Variants in FER observed in about 807,000 individuals in gnomAD.
FER encodes the protein tyrosine-protein kinase Fer.
A neutral mutation model predicts 111.0 loss-of-function variants in FER; 63 were observed. That is an observed-to-expected ratio of 0.57 (90% confidence interval 0.46 to 0.70). FER has a LOEUF of 0.70. FER is among the 30% of genes least tolerant of loss of function. The pLI, the probability that FER is intolerant of heterozygous loss-of-function variation, is 0.00. For missense variants in FER, 914 were observed against 954.0 expected (o/e 0.96, Z 0.55); for synonymous variants, 327 against 313.9 (o/e 1.04, Z -0.44).
intron 10 of FER, among the ~76,000 whole-genome samples, chr5:108,902,438 G>T (rs1750171131): frequency 6.6e-6 from 1 of 152,150 alleles, no homozygotes; most frequent in Non-Finnish European, 1.5e-5. Context: ...GTGTACCATG[G>T]AGAAGTGAGT....
intron 16 of FER, among the ~76,000 whole-genome samples, chr5:109,076,284 TAAAAG>T (rs1446414194): frequency 2.0e-5 from 3 of 152,206 alleles, no homozygotes; most frequent in Non-Finnish European, 4.4e-5. Flanking sequence ...AATATTAGGC[TAAAAG>T]AAAACTTTAT....
At chr5:109,163,110 C>T (rs548224753) in intron 17 of FER, among the ~76,000 whole-genome samples, 5 of 151,832 alleles carry the variant, frequency 3.3e-5, no homozygotes, top group African/African-American at 7.3e-5. Flanking sequence ...TCTAAATGAT[C>T]GACATTTAGA....
intron 2 of FER, among the ~76,000 whole-genome samples, chr5:108,769,014 A>T (rs71586586): frequency 0.054 from 8,227 of 151,980 alleles, 315 homozygotes; most frequent in Non-Finnish European, 0.078. Context: ...TTTAGAAGAG[A>T]TGGGGTTTTG....
At chr5:109,001,952 A>G (rs1198708296) in intron 13 of FER, among the ~76,000 whole-genome samples, 1 of 152,140 alleles carries the variant, frequency 6.6e-6, no homozygotes, top group Admixed American at 6.6e-5. Context: ...ACTACAAACC[A>G]CTGCTCAATG....
chr5:109,107,409 G>A (rs988598799), intron 17 of FER, among the ~76,000 whole-genome samples: 1 of 152,062 alleles, frequency 6.6e-6, no homozygotes, highest in Non-Finnish European at 1.5e-5. Flanking sequence ...GGGGGTTGTT[G>A]TACAGATTGT....
At chr5:108,995,336 A>G (rs191519837) in intron 13 of FER, among the ~76,000 whole-genome samples, 14 of 152,146 alleles carry the variant, frequency 9.2e-5, no homozygotes, top group Admixed American at 7.9e-4. Flanking sequence ...TTACATAGGT[A>G]TACACGTGTC....
intron 9 of FER, 125 bp downstream of exon 9, chr5:108,883,643 T>A: frequency 1.3e-6 from 1 of 770,742 alleles, no homozygotes; most frequent in Non-Finnish European, 1.9e-6. Context: ...AAGTATGAAG[T>A]TTTGTATAGT....
chr5:109,162,248 A>T (rs1235609938), intron 17 of FER, among the ~76,000 whole-genome samples: 1 of 152,144 alleles, frequency 6.6e-6, no homozygotes, highest in African/African-American at 2.4e-5. Context: ...GGTATAACTC[A>T]GTCTGTTTCG....
At chr5:109,114,066 AGAATT>A (rs944911867) in intron 17 of FER, among the ~76,000 whole-genome samples, 1 of 152,164 alleles carries the variant, frequency 6.6e-6, no homozygotes, top group African/African-American at 2.4e-5. Context: ...TGACATTCTT[AGAATT>A]GAAAGTCTGT....
At chr5:109,054,633 A>G (rs549148664) in intron 16 of FER, among the ~76,000 whole-genome samples, 63 of 152,226 alleles carry the variant, frequency 4.1e-4, no homozygotes, top group African/African-American at 1.5e-3. Context: ...TTTATGGATC[A>G]TACTTTTTTG....
intron 10 of FER, among the ~76,000 whole-genome samples, chr5:108,913,946 A>C (rs1012526879): frequency 6.6e-6 from 1 of 152,202 alleles, no homozygotes; most frequent in Non-Finnish European, 1.5e-5. Context: ...AAAAAATGTA[A>C]AAGTAATCAA....
chr5:109,009,040 C>A (rs556449488), intron 13 of FER, among the ~76,000 whole-genome samples: 95 of 142,674 alleles, frequency 6.7e-4, no homozygotes, highest in African/African-American at 2.3e-3. Context: ...TCTTCCTCTT[C>A]AGTCTTTTTT....
Position 108,954,863 on chromosome 5 carries a change from A to G in FER, c.1464A>G (p.Lys488=). ...TTTTGGTGCGAGAGAGTCATGGGAA[A>G]CCTGGTGAATATGTCCTTTCTGTAT... ...GDFLVRESHG[K]PGEYVLSVYS... The change falls in exon 12 of 20, where the codon AAA becomes AAG. Residue 488 remains lysine, a synonymous_variant. Transcript: ENST00000281092. 2 of 1,611,838 alleles carry G rather than the reference A, an allele frequency of 1.2e-6. No individual in the cohort carries two copies. The highest frequency in any genetic ancestry group is 1.7e-6 in the Non-Finnish European group (2 of 1,179,108).
intron 5 of FER, among the ~76,000 whole-genome samples, chr5:108,838,885 C>T (rs1760945269): frequency 6.6e-6 from 1 of 152,098 alleles, no homozygotes; most frequent in African/African-American, 2.4e-5. Flanking sequence ...TGCATTTTAT[C>T]TTAAATTGAC....
At chr5:108,840,631 C>G (rs537800188) in intron 5 of FER, among the ~76,000 whole-genome samples, 20 of 152,114 alleles carry the variant, frequency 1.3e-4, no homozygotes, top group Non-Finnish European at 2.4e-4. Flanking sequence ...TGATCTATCC[C>G]CTATATTTCC....
chr5:108,902,133 C>T (rs544027900), intron 10 of FER, among the ~76,000 whole-genome samples: 9 of 151,950 alleles, frequency 5.9e-5, no homozygotes, highest in African/African-American at 9.7e-5. Flanking sequence ...TATAGACTAC[C>T]GGAGGGGGAA....
intron 10 of FER, among the ~76,000 whole-genome samples, chr5:108,931,962 TTG>T (rs571366890): frequency 5.1e-4 from 77 of 150,736 alleles, no homozygotes; most frequent in African/African-American, 1.3e-3. Context: ...ATCTTAAATT[TTG>T]TGTGTGTGTG....
chr5:109,093,292 AT>A (rs1426285106), intron 16 of FER, among the ~76,000 whole-genome samples: 1 of 152,138 alleles, frequency 6.6e-6, no homozygotes, highest in African/African-American at 2.4e-5. Context: ...GAGAAAGAAG[AT>A]TCTTGTTTAT....
intron 17 of FER, among the ~76,000 whole-genome samples, chr5:109,120,435 C>T (rs551521954): frequency 5.0e-4 from 76 of 152,148 alleles, no homozygotes; most frequent in African/African-American, 1.6e-3. Context: ...TCTATGTTCT[C>T]TATTTTGTTA....
Sources: gnomAD v4.1 joint callset for allele counts (sites outside exome capture counted in the v4.1 genomes callset) on GRCh38, gnomAD v4.1.1 for gene constraint, MANE v1.5 for transcripts, NCBI Gene and HGNC (gene_info 2026-07-23, HGNC 2026-07-21) for gene names.